Variants in ENTPD3 observed in about 807,000 individuals in gnomAD.
The protein encoded by ENTPD3 is CD39 antigen-like 3.
A neutral mutation model predicts 51.2 loss-of-function variants in ENTPD3; 60 were observed. The ratio of observed to expected loss-of-function variants is 1.17; its 90% CI spans 0.95 to 1.45. The LOEUF is 1.45. Ranked by LOEUF, ENTPD3 falls within the 40% of genes most tolerant of loss-of-function variation. ENTPD3 has a pLI of 0.00. For synonymous variants in ENTPD3, 221 were observed against 238.4 expected (o/e 0.93, Z 0.67); for missense variants, 593 against 641.1 (o/e 0.93, Z 0.81).
chr3:40,420,197 T>C (rs760985699), intron 7 of ENTPD3, among the ~76,000 whole-genome samples: 9 of 151,980 alleles, frequency 5.9e-5, no homozygotes, highest in Non-Finnish European at 1.0e-4. Flanking sequence ...AGATACTAAA[T>C]AGCCAATTGA....
chr3:40,419,664 C>A (rs1231418546), intron 7 of ENTPD3, among the ~76,000 whole-genome samples: 1 of 152,112 alleles, frequency 6.6e-6, no homozygotes, highest in Non-Finnish European at 1.5e-5. Context: ...TTATTTAATT[C>A]TTGGCTTGTA....
chr3:40,409,249 G>A lies in ENTPD3; in HGVS notation c.287-2563G>A, dbSNP rs768667653. 1.7e-4 allele frequency among the ~76,000 whole-genome samples: 25 copies of A among 151,512 alleles called. 1 individual carries two copies. The highest frequency in any genetic ancestry group is 4.6e-4 in the Admixed American group (7 of 15,210). ...CCTGGACAACAAGAGCAAAAACTCC[G>A]TCTAAAAAAAAAATTATATATACAT... On this transcript the variant is annotated intron_variant, in intron 4 of 10. Transcript: ENST00000301825.
intron 10 of ENTPD3, among the ~76,000 whole-genome samples, chr3:40,426,652 G>A (rs1048521769): frequency 6.6e-6 from 1 of 152,072 alleles, no homozygotes; most frequent in Admixed American, 6.6e-5. Context: ...AGATAATTTT[G>A]TTAAATTATC....
chr3:40,391,956 C>G, intron 2 of ENTPD3, 67 bp from the exon 3 acceptor site: 1 of 1,587,276 alleles, frequency 6.3e-7, no homozygotes, highest in Non-Finnish European at 8.6e-7. Flanking sequence ...TCCATCAATT[C>G]TACAAAGAAT....
intron 7 of ENTPD3, 78 bp from the exon 8 acceptor site, chr3:40,422,772 G>A (rs1955904741): frequency 7.6e-7 from 1 of 1,319,524 alleles, no homozygotes; most frequent in Non-Finnish European, 1.0e-6. Flanking sequence ...GGACATTTGG[G>A]TTGATTCCAA....
Position 40,423,732 on chromosome 3 carries a change from T to A in ENTPD3, c.1216-94T>A, listed in dbSNP as rs1440232829. The stretch of plus-strand genomic sequence containing the variant: ...GTATTTTCTATTATGAAATTATGGG[T>A]GATAAGATTCTTTAAAACATGACTT... On this transcript the variant is annotated intron_variant, in intron 9 of 10. Transcript: ENST00000301825. The A allele has an allele frequency of 3.6e-6, 5 of 1,385,774 alleles. 1 individual carries two copies. The African/African-American group carries it at 7.2e-5, about 20-fold the overall frequency. 85.8% of individuals were successfully genotyped at this position (1,385,774 alleles called of 1,614,324 possible). A position where few individuals can be genotyped will look rare whatever the true frequency, so the allele number is the denominator to read the frequency against.
In ENTPD3 at chr3:40,423,382, G is replaced by T; in HGVS notation, c.1196G>T (p.Cys399Phe). ...TTCAACTCCAGCACCTGGAATTTCTGCTCACAGAATTGGAGTCAGGTCAGT... is the reference window on the plus strand; with the variant it reads ...TTCAACTCCAGCACCTGGAATTTCTTCTCACAGAATTGGAGTCAGGTCAGT... ...DTFNSSTWNF[C>F]SQNWSQLPLL... Residue 399 changes from cysteine (C) to phenylalanine (F), a missense_variant, in exon 9 of 11, where the codon TGC (cysteine) becomes TTC (phenylalanine). By Grantham distance (205) the Cys-to-Phe change is radical. Coordinates refer to ENST00000301825, the MANE Select transcript of ENTPD3 (RefSeq NM_001248.4). 6 of 1,612,914 alleles carry T rather than the reference G, an allele frequency of 3.7e-6. No homozygotes were observed. Among genetic ancestry groups the T allele is most frequent in the Non-Finnish European group, 5.1e-6 (6 of 1,178,994 alleles).
chr3:40,400,264 CA>C (rs374610863), intron 3 of ENTPD3, among the ~76,000 whole-genome samples: 15,449 of 72,518 alleles, frequency 0.21, 1,891 homozygotes, highest in African/African-American at 0.46. Flanking sequence ...AACTGCATCT[CA>C]AAAAAAAAAA....
chr3:40,415,551 C>G (rs928922881), intron 6 of ENTPD3, among the ~76,000 whole-genome samples: 1 of 152,160 alleles, frequency 6.6e-6, no homozygotes. Context: ...CATTCCTGCA[C>G]GGTAACAGGA....
At position 40,415,574 on chromosome 3, in the gene ENTPD3, T is replaced by C. The variant is rs575402618; in HGVS notation, c.598-266T>C. ...CACGGTAACAGGAACAGAGTGTAAA[T>C]CATGGACTCTCCAGTTTGCCACAGA... On this transcript the variant is annotated intron_variant, in intron 6 of 10. Transcript: ENST00000301825. Among the ~76,000 whole-genome samples, 5 of 152,200 alleles carry C rather than the reference T, an allele frequency of 3.3e-5. No individual in the cohort carries two copies. The East Asian group carries it at 7.7e-4, about 24-fold the overall frequency.
chr3:40,398,001 A>G (rs1955249988), intron 3 of ENTPD3, among the ~76,000 whole-genome samples: 1 of 152,178 alleles, frequency 6.6e-6, no homozygotes, highest in South Asian at 2.1e-4. Context: ...TTCACTGTTT[A>G]GGCAAAAGAG....
chr3:40,405,249 T>A (rs1302393796), intron 4 of ENTPD3, among the ~76,000 whole-genome samples: 1 of 152,190 alleles, frequency 6.6e-6, no homozygotes, highest in African/African-American at 2.4e-5. Flanking sequence ...CTCATGCCTG[T>A]AATCCCAGCA....
rs867124613 is a variant in ENTPD3 at position 40,423,063 on chromosome 3, G to A, written c.1045G>A (p.Asp349Asn). 1.9e-6 allele frequency: 3 copies of A among 1,614,106 alleles called. No homozygotes were observed. Among genetic ancestry groups the A allele is most frequent in the Non-Finnish European group, 2.5e-6 (3 of 1,179,990 alleles). ...CATATTTGACTTCAAAGCTTGCCAT[G>A]ATCAAGAAACCTGTTCTTTTGATGG... ...ASIFDFKACH[D>N]QETCSFDGVY... The change falls in exon 8 of 11, where the codon GAT becomes AAT. Residue 349 changes from aspartate (D) to asparagine (N), a missense_variant. Coordinates refer to ENST00000301825, the MANE Select transcript of ENTPD3 (RefSeq NM_001248.4).
intron 3 of ENTPD3, among the ~76,000 whole-genome samples, chr3:40,400,650 G>A (rs550846694): frequency 6.6e-6 from 1 of 152,246 alleles, no homozygotes; most frequent in South Asian, 2.1e-4. Context: ...AGCTCTCCAG[G>A]TGATTCTAAT....
chr3:40,422,033 AC>A, intron 7 of ENTPD3, among the ~76,000 whole-genome samples: 1 of 152,222 alleles, frequency 6.6e-6, no homozygotes, highest in East Asian at 1.9e-4. Context: ...CCATTTTCTC[AC>A]CAAGTGAAGT....
chr3:40,419,071 C>T (rs1298341495), intron 7 of ENTPD3, among the ~76,000 whole-genome samples: 2 of 152,152 alleles, frequency 1.3e-5, no homozygotes, highest in East Asian at 3.8e-4. Flanking sequence ...CTACACTTTC[C>T]AGGTCAGTAT....
At chr3:40,401,227 C>T (rs1474851235) in intron 4 of ENTPD3, among the ~76,000 whole-genome samples, 1 of 152,162 alleles carries the variant, frequency 6.6e-6, no homozygotes, top group Non-Finnish European at 1.5e-5. Context: ...AGTGTTTTAT[C>T]TGTATACATG....
intron 7 of ENTPD3, among the ~76,000 whole-genome samples, chr3:40,418,389 C>G (rs1955793153): frequency 6.6e-6 from 1 of 152,214 alleles, no homozygotes; most frequent in African/African-American, 2.4e-5. Flanking sequence ...ATTGTAAACA[C>G]TGACTGAGTA....
chr3:40,414,598 T>G (rs1201065403), intron 5 of ENTPD3, 83 bp from the exon 6 acceptor site: 2 of 1,445,462 alleles, frequency 1.4e-6, no homozygotes, highest in African/African-American at 2.8e-5. Flanking sequence ...CGGTGAAGTT[T>G]GCATTTTCAC....
Sources: gnomAD v4.1 joint callset for allele counts (sites outside exome capture counted in the v4.1 genomes callset) on GRCh38, gnomAD v4.1.1 for gene constraint, MANE v1.5 for transcripts, NCBI Gene and HGNC (gene_info 2026-07-23, HGNC 2026-07-21) for gene names.